The following CLSTN2 variants were observed in gnomAD, a reference collection of about 807,000 sequenced individuals.
The protein encoded by CLSTN2 is calsyntenin 2, also known as calsyntenin-2.
CLSTN2 carries 48 observed loss-of-function variants against 101.2 expected under a neutral mutation model. That is an observed-to-expected ratio of 0.47 (90% confidence interval 0.38 to 0.60). The LOEUF (loss-of-function observed/expected upper bound fraction) is 0.60. Among genes scored for constraint, CLSTN2 ranks in the 20% least tolerant of loss-of-function variants. CLSTN2 has a pLI of 0.00. For missense variants in CLSTN2, 1,160 were observed against 1,238.2 expected, an observed-to-expected ratio of 0.94 and a Z score of 0.95; for synonymous variants, 481 against 463.6, an observed-to-expected ratio of 1.04 and a Z score of -0.48.
intron 1 of CLSTN2, among the ~76,000 whole-genome samples, chr3:140,001,014 C>T (rs2006823960): frequency 6.6e-6 from 1 of 152,178 alleles, no homozygotes; most frequent in Non-Finnish European, 1.5e-5. Flanking sequence ...TCAGATACTA[C>T]TTCAAAATAA....
At chr3:140,370,652 C>T (rs185811900) in intron 2 of CLSTN2, among the ~76,000 whole-genome samples, 32 of 152,218 alleles carry the variant, frequency 2.1e-4, no homozygotes, top group Admixed American at 1.9e-3. Context: ...ATGCCCTCAC[C>T]CTAGGCAGTC....
At chr3:140,365,999 G>T (rs2087784375) in intron 2 of CLSTN2, among the ~76,000 whole-genome samples, 1 of 152,144 alleles carries the variant, frequency 6.6e-6, no homozygotes, top group Non-Finnish European at 1.5e-5. Flanking sequence ...CACTTGCTGG[G>T]CCAGAAACCC....
intron 1 of CLSTN2, among the ~76,000 whole-genome samples, chr3:140,109,086 T>C (rs2009109962): frequency 6.6e-6 from 1 of 152,210 alleles, no homozygotes; most frequent in African/African-American, 2.4e-5. Flanking sequence ...ACCTAGGCAC[T>C]GTGGTTCATG....
chr3:140,458,819 A>C (rs1933482247), intron 6 of CLSTN2, among the ~76,000 whole-genome samples: 1 of 152,208 alleles, frequency 6.6e-6, no homozygotes, highest in Non-Finnish European at 1.5e-5. Context: ...GGAAAGAGGA[A>C]ACAGAGTCAA....
At chr3:140,315,702 G>A (rs1434758847) in intron 2 of CLSTN2, among the ~76,000 whole-genome samples, 2 of 152,152 alleles carry the variant, frequency 1.3e-5, no homozygotes, top group Admixed American at 1.3e-4. Flanking sequence ...TGAATGTGGG[G>A]CTCCCTCTAG....
rs143768333 is a variant in CLSTN2, at chr3:139,980,869, A to G, written c.109+45386A>G. On this transcript the variant is annotated intron_variant, in intron 1 of 16. Transcript: ENST00000458420. ...GACCTATGCCTACACCAAGTTTGTCATACATATGGAGAGCTATGTGACCAC... is the reference window on the plus strand; with the variant it reads ...GACCTATGCCTACACCAAGTTTGTCGTACATATGGAGAGCTATGTGACCAC... Among the ~76,000 whole-genome samples, 588 of 152,238 alleles carry G rather than the reference A, an allele frequency of 3.9e-3. 5 individuals are homozygous for G. Among genetic ancestry groups the G allele is most frequent in the African/African-American group, 0.014 (574 of 41,576 alleles).
chr3:140,414,582 G>C (rs2088405791), intron 4 of CLSTN2, among the ~76,000 whole-genome samples: 1 of 151,982 alleles, frequency 6.6e-6, no homozygotes, highest in African/African-American at 2.4e-5. Context: ...AGGATGAGAA[G>C]TGGGAAGGGA....
At chr3:140,427,037 A>G (rs1481505551) in intron 5 of CLSTN2, among the ~76,000 whole-genome samples, 1 of 150,318 alleles carries the variant, frequency 6.7e-6, no homozygotes, top group Non-Finnish European at 1.5e-5. Context: ...TTAGCCAGGC[A>G]TGGTGGTGCA....
intron 1 of CLSTN2, among the ~76,000 whole-genome samples, chr3:140,044,616 A>G (rs1204848711): frequency 1.3e-5 from 2 of 152,178 alleles, no homozygotes; most frequent in African/African-American, 2.4e-5. Context: ...GCAGTTTTCA[A>G]AGGGAATTCT....
intron 1 of CLSTN2, among the ~76,000 whole-genome samples, chr3:140,117,739 C>T (rs116682374): frequency 6.6e-6 from 1 of 152,188 alleles, no homozygotes; most frequent in African/African-American, 2.4e-5. Flanking sequence ...AATGGAGGGA[C>T]AGCAGGGGCA....
intron 4 of CLSTN2, among the ~76,000 whole-genome samples, chr3:140,412,227 C>A (rs984305499): frequency 2.0e-5 from 3 of 152,144 alleles, no homozygotes; most frequent in African/African-American, 7.2e-5. Flanking sequence ...GTTGGTCAGC[C>A]TGGTCTTAAA....
intron 2 of CLSTN2, among the ~76,000 whole-genome samples, chr3:140,269,356 T>C (rs1576492753): frequency 2.0e-5 from 3 of 152,360 alleles, no homozygotes; most frequent in East Asian, 1.9e-4. Flanking sequence ...ATTAATTAAA[T>C]TGACCATAAA....
chr3:140,354,768 A>G (rs2087650233), intron 2 of CLSTN2, among the ~76,000 whole-genome samples: 1 of 152,214 alleles, frequency 6.6e-6, no homozygotes, highest in South Asian at 2.1e-4. Flanking sequence ...CCTTTTGTAT[A>G]AGACAGACTC....
At position 140,558,786 on chromosome 3, in the gene CLSTN2, C is replaced by A; in HGVS notation, c.1970C>A (p.Thr657Asn). The A allele has an allele frequency of 6.2e-7, 1 of 1,614,064 alleles. No individual in the cohort carries two copies. The highest frequency in any genetic ancestry group is 1.1e-5 in the South Asian group (1 of 91,066). ...CAGTTTGAAAGTGCCAGGGGAGTGA[C>A]CCTCTTCCCTGATATCAAGATTGTG... is the stretch of plus-strand genomic sequence containing the variant. ...AAQFESARGV[T>N]LFPDIKIVST... Residue 657 changes from threonine to asparagine, a missense_variant, in exon 12 of 17, where the codon ACC becomes AAC. Coordinates refer to ENST00000458420, the MANE Select transcript of CLSTN2 (RefSeq NM_022131.3).
chr3:140,028,987 G>A (rs768469095), intron 1 of CLSTN2, among the ~76,000 whole-genome samples: 62 of 152,130 alleles, frequency 4.1e-4, no homozygotes, highest in Non-Finnish European at 7.1e-4. Context: ...GAATGGTGAA[G>A]GTTTCATGTT....
At chr3:140,363,589 G>A (rs2087752961) in intron 2 of CLSTN2, among the ~76,000 whole-genome samples, 2 of 134,996 alleles carry the variant, frequency 1.5e-5, no homozygotes, top group South Asian at 4.7e-4. Context: ...GGAAATGCTG[G>A]GCAGTCAGAG....
chr3:140,320,284 T>C (rs183188888), intron 2 of CLSTN2, among the ~76,000 whole-genome samples: 239 of 152,316 alleles, frequency 1.6e-3, no homozygotes, highest in African/African-American at 4.7e-3. Context: ...ACTTCCATTT[T>C]CAGTTTTCAG....
chr3:140,494,631 C>T (rs1576597565), intron 8 of CLSTN2, among the ~76,000 whole-genome samples: 1 of 152,180 alleles, frequency 6.6e-6, no homozygotes, highest in East Asian at 1.9e-4. Context: ...TCACCCCCAA[C>T]AGGTCCCAGT....
At chr3:140,490,072 G>A (rs1359821048) in intron 8 of CLSTN2, among the ~76,000 whole-genome samples, 129 of 450 alleles carry the variant, frequency 0.29, 25 homozygotes, top group East Asian at 0.83. Context: ...GTGTGTGTGT[G>A]TGTGTGTGTG....
Sources: gnomAD v4.1 joint callset for allele counts (sites outside exome capture counted in the v4.1 genomes callset) on GRCh38, gnomAD v4.1.1 for gene constraint, MANE v1.5 for transcripts, NCBI Gene and HGNC (gene_info 2026-07-23, HGNC 2026-07-21) for gene names.